Variants in PPTC7 observed in about 807,000 individuals in gnomAD.
The protein encoded by PPTC7 is protein phosphatase PTC7 homolog.
PPTC7 carries 6 observed loss-of-function variants against 30.8 expected under a neutral mutation model. That is an observed-to-expected ratio of 0.19 (90% CI 0.11 to 0.38). The LOEUF is 0.38. Among genes scored for constraint, PPTC7 ranks in the 10% least tolerant of loss-of-function variants. PPTC7 has a pLI of 1.00. For synonymous variants in PPTC7, 163 were observed against 168.1 expected, an observed-to-expected ratio of 0.97 and a Z score of 0.23; for missense variants, 218 against 404.8, an observed-to-expected ratio of 0.54 and a Z score of 3.96.
chr12:110,538,345 C>T, intron 4 of PPTC7, 72 bp from the exon 5 acceptor site: 1 of 1,438,004 alleles, frequency 7.0e-7, no homozygotes, highest in East Asian at 2.3e-5. Flanking sequence ...CCACCTTTTC[C>T]ATCATGTAAG....
Position 110,574,141 on chromosome 12 carries a change from TAAAAAAAA to T in PPTC7, c.223+8660_223+8667del, listed in dbSNP as rs58133391. ...AGAGAGACTCTGTCTCCACAATAAT[TAAAAAAAA>T]AAAAAAAAAAAAAAAAAAAAAAAAA... On this transcript the variant is annotated intron_variant, in intron 1 of 5. Transcript: ENST00000354300. 3.0e-3 allele frequency among the ~76,000 whole-genome samples: 114 copies of T among 37,454 alleles called. 1 individual carries two copies. The South Asian group carries it at 0.068, about 22-fold the overall frequency. The allele number at this position is 37,454 out of a possible 152,430, so 24.6% of individuals were successfully genotyped here.
At chr12:110,562,491 C>T (rs1008483939) in intron 1 of PPTC7, among the ~76,000 whole-genome samples, 7 of 152,054 alleles carry the variant, frequency 4.6e-5, no homozygotes, top group Middle Eastern at 3.4e-3. Context: ...AAGTGAAATA[C>T]TCCCTTTGCA....
rs1051410680 is a variant in PPTC7 at position 110,583,031 on chromosome 12, T to TCGC, written c.-3_-1dup. ...CGCCCGTACGAGAGGACCGAGAACA[T>TCGC]CGCCGCCGCCGCCCCCCCGAGGAGG... On this transcript the variant is annotated 5_prime_UTR_variant, in exon 1 of 6. Transcript: ENST00000354300. 8.3e-5 allele frequency: 115 copies of TCGC among 1,393,784 alleles called. No homozygotes were observed. The highest frequency in any genetic ancestry group is 4.8e-4 in the East Asian group (16 of 33,246). 86.3% of individuals were successfully genotyped at this position (1,393,784 alleles called of 1,614,324 possible).
rs2064181693 is a variant in PPTC7, at chr12:110,533,274, C to A, written c.*3763G>T. 1 of 152,148 alleles carries A rather than the reference C, an allele frequency of 6.6e-6. No homozygotes were observed. The highest frequency in any genetic ancestry group is 2.1e-4 in the South Asian group (1 of 4,834). 9.4% of individuals were successfully genotyped at this position (152,148 alleles called of 1,614,324 possible). A position where few individuals can be genotyped will look rare whatever the true frequency, so the allele number is the denominator to read the frequency against. On this transcript the variant is annotated 3_prime_UTR_variant, in exon 6 of 6. Coordinates refer to ENST00000354300, the MANE Select transcript of PPTC7 (RefSeq NM_139283.2). ...TATAAATACTATATTTATTAAATAT[C>A]TTTACAGTTTATTTAAATGTATTTA...
chr12:110,554,766 G>A (rs2064373641), intron 1 of PPTC7, among the ~76,000 whole-genome samples: 1 of 152,100 alleles, frequency 6.6e-6, no homozygotes, highest in Admixed American at 6.6e-5. Context: ...CAAAGACACT[G>A]AGAGAAAATG....
intron 3 of PPTC7, among the ~76,000 whole-genome samples, chr12:110,544,907 T>G (rs2064293080): frequency 1.3e-5 from 2 of 151,984 alleles, no homozygotes; most frequent in Non-Finnish European, 2.9e-5. Context: ...AGAAAAGATG[T>G]GAGAAAGAAA....
Position 110,535,938 on chromosome 12 carries a change from G to A in PPTC7, c.*1099C>T. 6.6e-6 allele frequency: 1 copy of A among 152,654 alleles called. No homozygotes were observed. Among genetic ancestry groups the A allele is most frequent in the East Asian group, 1.9e-4 (1 of 5,202 alleles). 9.5% of individuals were successfully genotyped at this position (152,654 alleles called of 1,614,324 possible). A position where few individuals can be genotyped will look rare whatever the true frequency, so the allele number is the denominator to read the frequency against. On this transcript the variant is annotated 3_prime_UTR_variant, in exon 6 of 6. Transcript: ENST00000354300. ...CCATGTGGGGTAATTGTAAATGTCA[G>A]ATCATCACTGGGAGTTTTCCTCATG...
chr12:110,542,409 C>T lies in PPTC7; in HGVS notation c.603-2464G>A, dbSNP rs182876474. The stretch of plus-strand genomic sequence containing the variant: ...ATAGCGGGCTGTGGGTGGTGGCTCA[C>T]ACCTGTAATCCCAGCACTTTGGGAG... On this transcript the variant is annotated intron_variant, in intron 3 of 5. Transcript: ENST00000354300. 1.5e-3 allele frequency among the ~76,000 whole-genome samples: 222 copies of T among 151,870 alleles called. 1 individual carries two copies. Among genetic ancestry groups the T allele is most frequent in the African/African-American group, 4.8e-3 (197 of 41,444 alleles).
chr12:110,580,649 A>C (rs1203910459), intron 1 of PPTC7, among the ~76,000 whole-genome samples: 1 of 151,890 alleles, frequency 6.6e-6, no homozygotes, highest in East Asian at 2.0e-4. Flanking sequence ...CTAGCCTTCC[A>C]AAATTTTAAA....
At chr12:110,581,068 G>C (rs2064633031) in intron 1 of PPTC7, among the ~76,000 whole-genome samples, 1 of 152,066 alleles carries the variant, frequency 6.6e-6, no homozygotes, top group Admixed American at 6.6e-5. Flanking sequence ...AGATTTATGA[G>C]GTGAACCTTA....
At chr12:110,565,254 T>TTTTTG (rs1199826794) in intron 1 of PPTC7, among the ~76,000 whole-genome samples, 2 of 151,950 alleles carry the variant, frequency 1.3e-5, no homozygotes, top group African/African-American at 4.8e-5. Context: ...TTTCATACTT[T>TTTTTG]TTTTGTTTTG....
chr12:110,551,110 T>TA (rs1319173046), intron 2 of PPTC7, among the ~76,000 whole-genome samples: 3 of 152,172 alleles, frequency 2.0e-5, no homozygotes, highest in Non-Finnish European at 4.4e-5. Flanking sequence ...CTACAACAGA[T>TA]AGACTTTTAG....
At chr12:110,580,038 AAAAAG>A (rs996481399) in intron 1 of PPTC7, among the ~76,000 whole-genome samples, 21 of 152,158 alleles carry the variant, frequency 1.4e-4, no homozygotes, top group South Asian at 4.1e-4. Flanking sequence ...ACCAAAAAAA[AAAAAG>A]AAAAGAACAA....
At chr12:110,559,763 C>T (rs1565922723) in intron 1 of PPTC7, among the ~76,000 whole-genome samples, 1 of 151,036 alleles carries the variant, frequency 6.6e-6, no homozygotes, top group Non-Finnish European at 1.5e-5. Flanking sequence ...AATGGGGTCT[C>T]ACTCTGTCAC....
intron 1 of PPTC7, among the ~76,000 whole-genome samples, chr12:110,576,491 T>C (rs940402294): frequency 1.3e-5 from 2 of 152,192 alleles, no homozygotes; most frequent in African/African-American, 2.4e-5. Context: ...AACAGATGAA[T>C]GGATCAACAA....
chr12:110,572,943 G>C (rs935376056), intron 1 of PPTC7, among the ~76,000 whole-genome samples: 2 of 152,094 alleles, frequency 1.3e-5, no homozygotes, highest in Non-Finnish European at 2.9e-5. Context: ...GCAGTGGCAT[G>C]ATCTCAGCTC....
chr12:110,548,286 T>A (rs1222042627), intron 2 of PPTC7, among the ~76,000 whole-genome samples: 1 of 152,214 alleles, frequency 6.6e-6, no homozygotes, highest in African/African-American at 2.4e-5. Context: ...AGTGGGATCA[T>A]GGGTAATTTT....
At chr12:110,546,919 T>C (rs1373404053) in intron 2 of PPTC7, 2 of 152,322 alleles carry the variant, frequency 1.3e-5, no homozygotes, top group East Asian at 3.9e-4. Flanking sequence ...CACCTATTAG[T>C]TTAACACGAG....
At chr12:110,559,726 A>T (rs1408559126) in intron 1 of PPTC7, among the ~76,000 whole-genome samples, 10 of 143,932 alleles carry the variant, frequency 6.9e-5, no homozygotes, top group South Asian at 6.8e-4. Context: ...ACTCAGCCTC[A>T]GGGGAAAAAA....
Sources: gnomAD v4.1 joint callset for allele counts (sites outside exome capture counted in the v4.1 genomes callset) on GRCh38, gnomAD v4.1.1 for gene constraint, MANE v1.5 for transcripts, NCBI Gene and HGNC (gene_info 2026-07-23, HGNC 2026-07-21) for gene names.